Variants in ARSB observed in about 807,000 individuals in gnomAD.
ARSB encodes N-acetylgalactosamine-4-sulfatase.
ARSB carries 41 observed loss-of-function variants against 50.9 expected under a neutral mutation model. The ratio of observed to expected loss-of-function variants is 0.81; its 90% CI spans 0.63 to 1.04. ARSB has a LOEUF of 1.04. ARSB is among the 50% of genes least tolerant of loss of function. ARSB has a pLI of 0.00. For missense variants in ARSB, 672 were observed against 693.3 expected, an observed-to-expected ratio of 0.97 and a Z score of 0.35; for synonymous variants, 269 against 284.8, an observed-to-expected ratio of 0.94 and a Z score of 0.56.
intron 5 of ARSB, among the ~76,000 whole-genome samples, chr5:78,856,697 CT>C (rs1348868895): frequency 2.6e-5 from 4 of 152,118 alleles, no homozygotes; most frequent in Admixed American, 2.6e-4. Flanking sequence ...CATGTGTTAG[CT>C]TCTATCTTCT....
At chr5:78,849,135 T>C (rs1745614148) in intron 5 of ARSB, among the ~76,000 whole-genome samples, 1 of 152,192 alleles carries the variant, frequency 6.6e-6, no homozygotes, top group East Asian at 1.9e-4. Context: ...CATGAAGTCC[T>C]TGCCCATGCC....
intron 5 of ARSB, among the ~76,000 whole-genome samples, chr5:78,843,507 A>G (rs751994801): frequency 6.6e-6 from 1 of 152,224 alleles, no homozygotes; most frequent in Non-Finnish European, 1.5e-5. Flanking sequence ...TCTGAGTTTC[A>G]GCCTGGGCAT....
At chr5:78,859,843 A>C (rs953095001) in intron 5 of ARSB, among the ~76,000 whole-genome samples, 2 of 152,036 alleles carry the variant, frequency 1.3e-5, no homozygotes, top group Non-Finnish European at 2.9e-5. Flanking sequence ...GCAGACTAAC[A>C]TGGAAGAGAT....
chr5:78,935,179 T>C (rs932786088), intron 4 of ARSB, among the ~76,000 whole-genome samples: 2 of 151,950 alleles, frequency 1.3e-5, no homozygotes, highest in Non-Finnish European at 2.9e-5. Context: ...ATAAAGAATA[T>C]AAGAAATATG....
chr5:78,810,913 A>G (rs1314826835), intron 6 of ARSB, among the ~76,000 whole-genome samples: 1 of 152,268 alleles, frequency 6.6e-6, no homozygotes, highest in African/African-American at 2.4e-5. Context: ...TTTTCTACAC[A>G]GAAGGCTTAC....
chr5:78,800,292 C>T (rs1035347044), intron 6 of ARSB, among the ~76,000 whole-genome samples: 7 of 149,964 alleles, frequency 4.7e-5, no homozygotes, highest in Non-Finnish European at 3.0e-5. Context: ...CACTCCAGCC[C>T]GGGTGACAGA....
chr5:78,909,841 T>C (rs1050906660), intron 4 of ARSB, among the ~76,000 whole-genome samples: 18 of 151,994 alleles, frequency 1.2e-4, no homozygotes, highest in Admixed American at 1.0e-3. Flanking sequence ...GCAGTTGAGA[T>C]AGAGGAAGGC....
intron 1 of ARSB, among the ~76,000 whole-genome samples, chr5:78,980,624 G>C (rs902634469): frequency 2.0e-5 from 3 of 152,130 alleles, no homozygotes; most frequent in African/African-American, 7.2e-5. Context: ...AGTGTGAAGA[G>C]TATGTTACCA....
In ARSB at chr5:78,853,469, G is replaced by C. The variant is rs529458762; in HGVS notation, c.1143-14043C>G. The stretch of plus-strand genomic sequence containing the variant: ...TGTGAGGTGTCAGTCTGCCCCTACT[G>C]GGGGGTGCCTCCCGGTTAGGTTGCT... On this transcript the variant is annotated intron_variant, in intron 5 of 7. Transcript: ENST00000264914. Among the ~76,000 whole-genome samples the C allele has an allele frequency of 9.8e-5, 15 of 152,296 alleles. 1 individual carries two copies. Among genetic ancestry groups the C allele is most frequent in the Non-Finnish European group, 1.3e-4 (9 of 68,020 alleles).
At chr5:78,974,831 C>A (rs1370663962) in intron 1 of ARSB, among the ~76,000 whole-genome samples, 2 of 152,216 alleles carry the variant, frequency 1.3e-5, no homozygotes, top group Non-Finnish European at 2.9e-5. Flanking sequence ...AGGAAGGACA[C>A]CTGGCTTTAG....
At chr5:78,784,179 C>A (rs903701488) in intron 6 of ARSB, among the ~76,000 whole-genome samples, 3 of 152,146 alleles carry the variant, frequency 2.0e-5, no homozygotes, top group African/African-American at 7.2e-5. Context: ...TAATATATAG[C>A]ACTGTTTTAT....
At chr5:78,826,802 A>G (rs570239423) in intron 6 of ARSB, among the ~76,000 whole-genome samples, 1 of 152,326 alleles carries the variant, frequency 6.6e-6, no homozygotes, top group East Asian at 1.9e-4. Context: ...TACCCCCAAA[A>G]TAAGTGAGAG....
At chr5:78,824,259 C>T (rs1744346393) in intron 6 of ARSB, among the ~76,000 whole-genome samples, 1 of 152,166 alleles carries the variant, frequency 6.6e-6, no homozygotes, top group Admixed American at 6.5e-5. Context: ...GCAAAACAGA[C>T]TAATACAATT....
chr5:78,956,423 T>C (rs936308579), intron 3 of ARSB, among the ~76,000 whole-genome samples: 1 of 152,130 alleles, frequency 6.6e-6, no homozygotes, highest in African/African-American at 2.4e-5. Context: ...GGGGGGATGA[T>C]GAACATGTTT....
chr5:78,848,927 G>A (rs865954428), intron 5 of ARSB, among the ~76,000 whole-genome samples: 13 of 143,548 alleles, frequency 9.1e-5, no homozygotes, highest in African/African-American at 5.2e-5. Context: ...GTTTTTTCTC[G>A]TAAATTTGTT....
chr5:78,957,894 C>T (rs1751805107), intron 3 of ARSB, among the ~76,000 whole-genome samples: 1 of 140,206 alleles, frequency 7.1e-6, no homozygotes, highest in South Asian at 2.4e-4. Flanking sequence ...CTCCAGCCAC[C>T]AGCCAAGGTC....
At chr5:78,941,876 C>T (rs1750949339) in intron 4 of ARSB, among the ~76,000 whole-genome samples, 1 of 152,134 alleles carries the variant, frequency 6.6e-6, no homozygotes, top group Non-Finnish European at 1.5e-5. Context: ...CCTCCTTGTA[C>T]CTCTGGTAGA....
Position 78,780,030 on chromosome 5 carries a change from T to C in ARSB, c.*367A>G, listed in dbSNP as rs1748878601. 3.4e-6 allele frequency: 1 copy of C among 298,212 alleles called. No individual in the cohort carries two copies. 18.5% of individuals were successfully genotyped at this position (298,212 alleles called of 1,614,324 possible). On this transcript the variant is annotated 3_prime_UTR_variant, in exon 8 of 8. Transcript: ENST00000264914. ...GAAATGTGATTCACTCCAATAAAAC[T>C]GGCTATTGGCAGAGGGGAATCGAAC...
At chr5:78,840,309 C>A (rs1321927337) in intron 5 of ARSB, among the ~76,000 whole-genome samples, 1 of 152,092 alleles carries the variant, frequency 6.6e-6, no homozygotes, top group Non-Finnish European at 1.5e-5. Flanking sequence ...ACTGTTAACA[C>A]CACAGGATTC....
Sources: gnomAD v4.1 joint callset for allele counts (sites outside exome capture counted in the v4.1 genomes callset) on GRCh38, gnomAD v4.1.1 for gene constraint, MANE v1.5 for transcripts, NCBI Gene and HGNC (gene_info 2026-07-23, HGNC 2026-07-21) for gene names.